The following MICU1 variants were observed in gnomAD, a reference collection of about 807,000 sequenced individuals.
MICU1 encodes mitochondrial calcium uptake 1, also known as calcium uptake protein 1, mitochondrial.
Under a neutral mutation model 56.8 loss-of-function variants are expected in MICU1, and 45 were observed. That is an observed-to-expected ratio of 0.79 (90% CI 0.62 to 1.02). The LOEUF (loss-of-function observed/expected upper bound fraction) is 1.02, where lower values mean the gene tolerates loss of function less well. Ranked by LOEUF, MICU1 falls within the 50% of genes least tolerant of loss-of-function variation. MICU1 has a pLI of 0.00. For missense variants in MICU1, 504 were observed against 587.1 expected, an observed-to-expected ratio of 0.86 and a Z score of 1.46; for synonymous variants, 186 against 195.1, an observed-to-expected ratio of 0.95 and a Z score of 0.39.
intron 1 of MICU1, among the ~76,000 whole-genome samples, chr10:72,596,829 C>T (rs1158929336): frequency 5.3e-5 from 8 of 150,294 alleles, no homozygotes; most frequent in Admixed American, 2.7e-4. Context: ...GCCGAGATGG[C>T]GCCACTGCAC....
At chr10:72,535,115 C>T (rs968678317) in intron 4 of MICU1, among the ~76,000 whole-genome samples, 3 of 151,108 alleles carry the variant, frequency 2.0e-5, no homozygotes, top group Admixed American at 1.3e-4. Context: ...CTGCAACCTC[C>T]ACCTCCTGGG....
At chr10:72,597,439 T>C (rs1029850504) in intron 1 of MICU1, among the ~76,000 whole-genome samples, 2 of 152,206 alleles carry the variant, frequency 1.3e-5, no homozygotes, top group Non-Finnish European at 2.9e-5. Flanking sequence ...CTTGGGCTTA[T>C]GCATCTAGAA....
intron 1 of MICU1, among the ~76,000 whole-genome samples, chr10:72,603,634 G>A (rs550357247): frequency 6.1e-4 from 92 of 151,814 alleles, no homozygotes; most frequent in Admixed American, 3.2e-3. Flanking sequence ...GAGAAACCCC[G>A]TCTCTACCAA....
intron 10 of MICU1, among the ~76,000 whole-genome samples, chr10:72,396,388 G>C (rs1443156266): frequency 6.6e-6 from 1 of 152,190 alleles, no homozygotes. Context: ...TCCTCCAAAG[G>C]ATCGCAGCTC....
intron 4 of MICU1, among the ~76,000 whole-genome samples, chr10:72,543,524 C>T (rs1839824330): frequency 6.6e-6 from 1 of 151,896 alleles, no homozygotes; most frequent in African/African-American, 2.4e-5. Flanking sequence ...TCAAATCAAT[C>T]CATCAATCAA....
At chr10:72,550,652 A>T (rs1294811684) in intron 4 of MICU1, among the ~76,000 whole-genome samples, 1 of 152,196 alleles carries the variant, frequency 6.6e-6, no homozygotes, top group Non-Finnish European at 1.5e-5. Flanking sequence ...TGAAAGTTAG[A>T]ATATTGATTA....
chr10:72,473,759 GAAC>G (rs1396440321), intron 8 of MICU1, among the ~76,000 whole-genome samples: 1 of 152,034 alleles, frequency 6.6e-6, no homozygotes, highest in Non-Finnish European at 1.5e-5. Context: ...AAACGACATT[GAAC>G]AAAACAACAC....
intron 5 of MICU1, among the ~76,000 whole-genome samples, chr10:72,509,977 G>A (rs1258257586): frequency 1.3e-5 from 2 of 151,942 alleles, no homozygotes; most frequent in African/African-American, 4.8e-5. Flanking sequence ...ATGAGAATAG[G>A]TCCCCAAAGG....
chr10:72,612,800 C>CAA (rs1255818293), intron 1 of MICU1, among the ~76,000 whole-genome samples: 1 of 119,822 alleles, frequency 8.3e-6, no homozygotes, highest in Non-Finnish European at 1.8e-5. Context: ...GACCCTGTCT[C>CAA]AAAAAAAAAA....
At chr10:72,460,309 C>G (rs1253937040) in intron 8 of MICU1, among the ~76,000 whole-genome samples, 1 of 152,002 alleles carries the variant, frequency 6.6e-6, no homozygotes, top group Admixed American at 6.6e-5. Context: ...AGCTTGTAAC[C>G]TAGAATGTAC....
chr10:72,565,079 A>G (rs10762516), intron 2 of MICU1, among the ~76,000 whole-genome samples: 88,342 of 150,642 alleles, frequency 0.59, 27,217 homozygotes, highest in Non-Finnish European at 0.68. Flanking sequence ...CCAGGAGTTC[A>G]AGACCAGCTT....
chr10:72,542,384 G>A lies in MICU1; in HGVS notation c.494-8595C>T, dbSNP rs115178790. On this transcript the variant is annotated intron_variant, in intron 4 of 11. Transcript: ENST00000361114. ...GCACTACAGAGGATTAAAAACAAAA[G>A]GAGTGAGCAGGATATTATCTTGACT... Among the ~76,000 whole-genome samples, 493 of 152,284 alleles carry A rather than the reference G, an allele frequency of 3.2e-3. 4 individuals are homozygous for A. Among genetic ancestry groups the A allele is most frequent in the African/African-American group, 0.011 (463 of 41,556 alleles).
chr10:72,545,103 C>A (rs1839865837), intron 4 of MICU1, among the ~76,000 whole-genome samples: 1 of 152,122 alleles, frequency 6.6e-6, no homozygotes, highest in Non-Finnish European at 1.5e-5. Flanking sequence ...AAATCTACAG[C>A]CTCATTTTTT....
At chr10:72,530,225 G>A (rs12356439) in intron 5 of MICU1, among the ~76,000 whole-genome samples, 1 of 151,148 alleles carries the variant, frequency 6.6e-6, no homozygotes, top group Non-Finnish European at 1.5e-5. Context: ...CAGCTACTCA[G>A]AAGGCTGAGG....
intron 6 of MICU1, among the ~76,000 whole-genome samples, chr10:72,501,067 T>C (rs960087395): frequency 6.6e-6 from 1 of 152,198 alleles, no homozygotes; most frequent in African/African-American, 2.4e-5. Flanking sequence ...ATTAACAGTC[T>C]CTTCATCTTG....
intron 6 of MICU1, among the ~76,000 whole-genome samples, chr10:72,506,177 C>T (rs1176721227): frequency 6.6e-6 from 1 of 152,122 alleles, no homozygotes; most frequent in Non-Finnish European, 1.5e-5. Context: ...GGCAGAGCTA[C>T]TTGGAGGGGT....
chr10:72,578,938 T>C (rs6480632), intron 1 of MICU1, among the ~76,000 whole-genome samples: 89,274 of 151,938 alleles, frequency 0.59, 27,522 homozygotes, highest in Non-Finnish European at 0.68. Context: ...GCACACTTCA[T>C]AGACTACACT....
At chr10:72,440,261 C>G (rs1270074831) in intron 8 of MICU1, among the ~76,000 whole-genome samples, 1 of 152,202 alleles carries the variant, frequency 6.6e-6, no homozygotes, top group Non-Finnish European at 1.5e-5. Flanking sequence ...CTACAATCAT[C>G]TGATCTTTGA....
In MICU1 at chr10:72,423,307, G is replaced by A. The variant is rs747070848; in HGVS notation, c.998C>T (p.Ala333Val). The A allele has an allele frequency of 3.1e-6, 5 of 1,613,936 alleles. No individual in the cohort carries two copies. In the South Asian group the frequency reaches 3.3e-5, roughly 11 times the overall value. ...TERQFGGMLL[A>V]YSGVQSKKLT... is the part of the protein sequence containing the mutation. ...CTTCTTGGACTGCACCCCACTGTAG[G>A]CAAGTAGCATGCCACCAAACTGCCT... Residue 333 changes from alanine (A) to valine (V), a missense_variant, in exon 9 of 12, where the codon GCC (alanine) becomes GTC (valine). By Grantham distance (64) the Ala-to-Val change is moderately conservative (BLOSUM62 0). Transcript: ENST00000361114.
Sources: allele counts gnomAD v4.1 joint callset (sites outside exome capture counted in the v4.1 genomes callset), GRCh38; gene constraint gnomAD v4.1.1; transcripts MANE v1.5; gene names NCBI Gene and HGNC (gene_info 2026-07-23, HGNC 2026-07-21).